Variants in MALRD1 observed in about 807,000 individuals in gnomAD.
MALRD1 encodes MAM and LDL-receptor class A domain-containing protein 1.
In MALRD1, 247 loss-of-function variants were observed where a neutral mutation model predicts 242.1. That is an observed-to-expected ratio of 1.02 (90% CI 0.92 to 1.13). The LOEUF is 1.13. Among genes scored for constraint, MALRD1 ranks in the 50% most tolerant of loss-of-function variants. MALRD1 has a pLI of 0.00. For synonymous variants in MALRD1, 995 were observed against 866.6 expected (o/e 1.15, Z -2.60); for missense variants, 2,989 against 2,533.1 (o/e 1.18, Z -3.86).
intron 26 of MALRD1, among the ~76,000 whole-genome samples, chr10:19,357,776 T>C (rs115337630): frequency 6.0e-4 from 91 of 152,292 alleles, no homozygotes; most frequent in African/African-American, 1.9e-3. Context: ...GAAATGACTC[T>C]AGTTCACACA....
intron 34 of MALRD1, among the ~76,000 whole-genome samples, chr10:19,602,681 C>T (rs1838416740): frequency 6.6e-6 from 1 of 151,978 alleles, no homozygotes; most frequent in South Asian, 2.1e-4. Context: ...TCTATAGCAG[C>T]ATGATTTATA....
intron 36 of MALRD1, among the ~76,000 whole-genome samples, chr10:19,621,876 A>G (rs1243526208): frequency 2.0e-5 from 3 of 151,840 alleles, no homozygotes; most frequent in Non-Finnish European, 4.4e-5. Context: ...TTTGGTTGGC[A>G]TTAGACTTCT....
At chr10:19,161,377 T>G (rs1255552043) in intron 12 of MALRD1, among the ~76,000 whole-genome samples, 3 of 100,376 alleles carry the variant, frequency 3.0e-5, no homozygotes, top group African/African-American at 1.1e-4. Flanking sequence ...GGGGGAGGGA[T>G]AGCATTGGGA....
At chr10:19,683,823 C>T (rs1842468798) in intron 36 of MALRD1, among the ~76,000 whole-genome samples, 1 of 152,122 alleles carries the variant, frequency 6.6e-6, no homozygotes, top group African/African-American at 2.4e-5. Flanking sequence ...AGGATTGCTA[C>T]ATAGGTATAC....
chr10:19,434,723 G>A (rs1359015613), intron 28 of MALRD1, among the ~76,000 whole-genome samples: 1 of 151,868 alleles, frequency 6.6e-6, no homozygotes, highest in Admixed American at 6.6e-5. Context: ...ATATTTTTAT[G>A]TTCTAGTCTT....
chr10:19,427,767 T>C (rs1833957528), intron 28 of MALRD1, among the ~76,000 whole-genome samples: 1 of 152,126 alleles, frequency 6.6e-6, no homozygotes, highest in Non-Finnish European at 1.5e-5. Context: ...AATATTATTA[T>C]AATTTATATA....
intron 32 of MALRD1, among the ~76,000 whole-genome samples, chr10:19,535,510 C>G (rs1441142704): frequency 1.3e-5 from 2 of 148,350 alleles, no homozygotes; most frequent in African/African-American, 5.0e-5. Flanking sequence ...TATATATACA[C>G]ATATATACAT....
At chr10:19,219,392 A>C (rs1837464155) in intron 18 of MALRD1, among the ~76,000 whole-genome samples, 2 of 152,162 alleles carry the variant, frequency 1.3e-5, no homozygotes, top group Admixed American at 6.5e-5. Context: ...TTATATAAGA[A>C]AGAGTACCAT....
At chr10:19,559,395 C>T (rs978432734) in intron 32 of MALRD1, among the ~76,000 whole-genome samples, 2 of 151,966 alleles carry the variant, frequency 1.3e-5, no homozygotes, top group African/African-American at 4.8e-5. Context: ...TTACTTTAAA[C>T]TATATGCATT....
chr10:19,412,262 G>C (rs1833305401), intron 28 of MALRD1, among the ~76,000 whole-genome samples: 1 of 152,224 alleles, frequency 6.6e-6, no homozygotes, highest in Non-Finnish European at 1.5e-5. Flanking sequence ...TTGCACTCCA[G>C]TCTGGGTGAA....
intron 28 of MALRD1, among the ~76,000 whole-genome samples, chr10:19,410,346 C>A (rs1833225676): frequency 6.6e-6 from 1 of 152,142 alleles, no homozygotes; most frequent in African/African-American, 2.4e-5. Flanking sequence ...TTGCAAACCA[C>A]TCTGAATGAA....
intron 14 of MALRD1, among the ~76,000 whole-genome samples, chr10:19,201,604 G>A (rs928788571): frequency 5.9e-5 from 9 of 152,064 alleles, no homozygotes; most frequent in Non-Finnish European, 1.0e-4. Context: ...TTGCTTCCCA[G>A]GTATTGAAAT....
Position 19,615,516 on chromosome 10 carries a change from C to CAAAAAAAAAAAAAAAAAA in MALRD1, c.6071-339_6071-322dup, listed in dbSNP as rs530920512. 1.8e-3 allele frequency among the ~76,000 whole-genome samples: 66 copies of CAAAAAAAAAAAAAAAAAA among 37,180 alleles called. 2 individuals carry two copies. Among genetic ancestry groups the CAAAAAAAAAAAAAAAAAA allele is most frequent in the Middle Eastern group, 0.015 (1 of 66 alleles). The allele number at this position is 37,180 out of a possible 152,430, so 24.4% of individuals were successfully genotyped here. A position where few individuals can be genotyped will look rare whatever the true frequency, so the allele number is the denominator to read the frequency against. Reference sequence around the variant, plus strand: ...TGAATGACAGAGCAAGACCCTGCCTCAAAAAAAAAAAAAAAAAAAGAGGAA... The same window carrying CAAAAAAAAAAAAAAAAAA: ...TGAATGACAGAGCAAGACCCTGCCTCAAAAAAAAAAAAAAAAAAAAAAAAAAAAAAAAAAAAAGAGGAA... On this transcript the variant is annotated intron_variant, in intron 35 of 39. Coordinates refer to ENST00000454679, the MANE Select transcript of MALRD1 (RefSeq NM_001142308.3).
intron 5 of MALRD1, among the ~76,000 whole-genome samples, chr10:19,107,872 A>G (rs957452067): frequency 3.3e-5 from 5 of 151,946 alleles, no homozygotes; most frequent in Admixed American, 3.3e-4. Context: ...TAAACTGATA[A>G]CAACTTAAAT....
At chr10:19,459,973 C>G (rs1023732623) in intron 29 of MALRD1, among the ~76,000 whole-genome samples, 2 of 151,878 alleles carry the variant, frequency 1.3e-5, no homozygotes, top group African/African-American at 4.8e-5. Context: ...TAACATTATC[C>G]TCAGTTCATG....
chr10:19,131,766 C>T (rs1030693239), intron 8 of MALRD1, among the ~76,000 whole-genome samples: 2 of 152,124 alleles, frequency 1.3e-5, no homozygotes, highest in South Asian at 2.1e-4. Flanking sequence ...AAAGGTAAAT[C>T]GGCATTATTG....
chr10:19,367,127 T>C (rs1301190385), intron 26 of MALRD1, among the ~76,000 whole-genome samples: 1 of 152,178 alleles, frequency 6.6e-6, no homozygotes, highest in African/African-American at 2.4e-5. Context: ...AAACATTCAG[T>C]ATCCTCCTTC....
chr10:19,633,239 A>C (rs1043120202), intron 36 of MALRD1, among the ~76,000 whole-genome samples: 1 of 152,162 alleles, frequency 6.6e-6, no homozygotes, highest in Non-Finnish European at 1.5e-5. Context: ...TCAAAGAAAA[A>C]AAAAGAGAGA....
chr10:19,272,320 A>G (rs1588827798), intron 19 of MALRD1, among the ~76,000 whole-genome samples: 1 of 152,038 alleles, frequency 6.6e-6, no homozygotes, highest in Non-Finnish European at 1.5e-5. Flanking sequence ...CATTTCACAG[A>G]CTAGGAGAAT....
Sources: allele counts gnomAD v4.1 joint callset (sites outside exome capture counted in the v4.1 genomes callset), GRCh38; gene constraint gnomAD v4.1.1; transcripts MANE v1.5; gene names NCBI Gene and HGNC (gene_info 2026-07-23, HGNC 2026-07-21).